Variants in PES1 observed in about 807,000 individuals in gnomAD.
PES1 encodes pescadillo ribosomal biogenesis factor 1.
Under a neutral mutation model 77.1 loss-of-function variants are expected in PES1, and 31 were observed. That is an observed-to-expected ratio of 0.40 (90% CI 0.30 to 0.54). PES1 has a LOEUF of 0.54. PES1 is among the 20% of genes least tolerant of loss of function. The pLI, the probability that PES1 is intolerant of heterozygous loss-of-function variation, is 0.45. For synonymous variants in PES1, 282 were observed against 303.0 expected (o/e 0.93, Z 0.72); for missense variants, 658 against 771.7 (o/e 0.85, Z 1.75).
chr22:30,579,571 G>A (rs947194837), intron 12 of PES1, 180 bp downstream of exon 12: 14 of 699,274 alleles, frequency 2.0e-5, no homozygotes, highest in African/African-American at 1.1e-4. Context: ...CATCCTGAAC[G>A]TCAAATAACA....
chr22:30,606,186 C>T (rs1275262692), intron 1 of PES1, among the ~76,000 whole-genome samples: 1 of 152,056 alleles, frequency 6.6e-6, no homozygotes, highest in African/African-American at 2.4e-5. Context: ...CTGGCAAGTA[C>T]CCCTGCTTCT....
upstream of PES1, among the ~76,000 whole-genome samples, chr22:30,592,589 G>C (rs1411975973): frequency 6.6e-6 from 1 of 152,180 alleles, no homozygotes; most frequent in Non-Finnish European, 1.5e-5. Context: ...CTGAGGTCAG[G>C]AGTTCGAGAC....
chr22:30,592,820 T>G (rs776549769), upstream of PES1, among the ~76,000 whole-genome samples: 1 of 152,088 alleles, frequency 6.6e-6, no homozygotes, highest in Non-Finnish European at 1.5e-5. Flanking sequence ...TAAATAAAAT[T>G]AAATGTACAT....
intron 4 of PES1, among the ~76,000 whole-genome samples, chr22:30,585,765 A>G (rs1236546748): frequency 2.0e-5 from 3 of 152,126 alleles, no homozygotes; most frequent in African/African-American, 7.2e-5. Context: ...CTGCTATTTC[A>G]AAAAAGACTC....
chr22:30,604,430 C>G (rs751481671), intron 2 of PES1, among the ~76,000 whole-genome samples: 3 of 151,938 alleles, frequency 2.0e-5, no homozygotes, highest in East Asian at 3.9e-4. Flanking sequence ...GTCAGGAGTC[C>G]GAGACCAACC....
In PES1 at chr22:30,591,802, C is replaced by T. The variant is rs763051459; in HGVS notation, c.24+8G>A. The T allele has an allele frequency of 1.4e-5, 22 of 1,563,046 alleles. No individual in the cohort carries two copies. The East Asian group carries it at 4.5e-4, about 32-fold the overall frequency. On this transcript the variant is annotated splice_region_variant and intron_variant, in intron 1 of 14. Coordinates refer to ENST00000354694, the MANE Select transcript of PES1 (RefSeq NM_014303.4). ...CCCTCGGGAATCCCCACCGTCTTTC[C>T]CAATCACCTTCTTCTTCTCAAGGCC...
intron 2 of PES1, among the ~76,000 whole-genome samples, chr22:30,588,707 T>C (rs1410090444): frequency 2.0e-5 from 3 of 150,962 alleles, no homozygotes; most frequent in Non-Finnish European, 4.4e-5. Context: ...CGCTTGAACC[T>C]GGGAGGTGGA....
chr22:30,588,646 G>A (rs552516853), intron 2 of PES1, among the ~76,000 whole-genome samples: 77 of 152,240 alleles, frequency 5.1e-4, no homozygotes, highest in Non-Finnish European at 9.0e-4. Context: ...AGCCAGGCAC[G>A]GTCGCCAGCA....
chr22:30,580,552 G>A lies in PES1; in HGVS notation c.1043+19C>T. On this transcript the variant is annotated intron_variant, in intron 10 of 14. Transcript: ENST00000354694. ...CATGGCCGAACCAATGCTGTCAGCG[G>A]GCCCTTGAGCCTCCCTACCTGATGA... 2 of 1,613,410 alleles carry A rather than the reference G, an allele frequency of 1.2e-6. No individual in the cohort carries two copies. The highest frequency in any genetic ancestry group is 1.7e-6 in the Non-Finnish European group (2 of 1,179,800).
intron 2 of PES1, among the ~76,000 whole-genome samples, chr22:30,597,874 G>A (rs1047496975): frequency 3.5e-4 from 49 of 140,712 alleles, no homozygotes; most frequent in African/African-American, 1.2e-3. Context: ...CCACGCAGTT[G>A]AAGTTTTGTT....
At chr22:30,604,880 A>C (rs2087413647) in intron 2 of PES1, among the ~76,000 whole-genome samples, 1 of 152,202 alleles carries the variant, frequency 6.6e-6, no homozygotes, top group Admixed American at 6.5e-5. Context: ...GAGTTCAAAA[A>C]TAAAAAAAAT....
In PES1 at chr22:30,584,440, G is replaced by T. The variant is rs1427564557; in HGVS notation, c.555C>A (p.Ile185=). 1 of 1,612,134 alleles carries T rather than the reference G, an allele frequency of 6.2e-7. No homozygotes were observed. Among genetic ancestry groups the T allele is most frequent in the Admixed American group, 1.7e-5 (1 of 59,758 alleles). ...CCTCGGCCTGGTAGTAAATGCCTTT[G>T]ATGGACAGGAAGACCTAGGGGAGAG... ...ARALRKVFLS[I]KGIYYQAEVL... is the part of the protein sequence containing the mutation. The change falls in exon 6 of 15, where the codon ATC becomes ATA. Residue 185 remains isoleucine (I), a synonymous_variant. Transcript: ENST00000354694.
chr22:30,603,690 T>C (rs1404289126), intron 2 of PES1: 2 of 152,204 alleles, frequency 1.3e-5, no homozygotes, highest in Non-Finnish European at 2.9e-5. Flanking sequence ...CCTTAAAATA[T>C]GATTTTAATA....
At chr22:30,591,553 A>G (rs2087176329) in intron 1 of PES1, among the ~76,000 whole-genome samples, 1 of 152,188 alleles carries the variant, frequency 6.6e-6, no homozygotes, top group South Asian at 2.1e-4. Flanking sequence ...TGCTTTTGGA[A>G]TGAAGCTACG....
intron 2 of PES1, among the ~76,000 whole-genome samples, chr22:30,600,477 G>A (rs958196871): frequency 6.6e-6 from 1 of 151,842 alleles, no homozygotes; most frequent in African/African-American, 2.4e-5. Flanking sequence ...GAACTCGGGA[G>A]TTCGAGACCA....
intron 2 of PES1, chr22:30,604,161 T>C (rs1406615760): frequency 6.6e-6 from 1 of 152,216 alleles, no homozygotes; most frequent in Non-Finnish European, 1.5e-5. Flanking sequence ...CTGAGACTGC[T>C]TGTCTGTGTC....
chr22:30,602,769 T>C (rs1357657006), intron 2 of PES1, among the ~76,000 whole-genome samples: 1 of 152,230 alleles, frequency 6.6e-6, no homozygotes, highest in African/African-American at 2.4e-5. Context: ...TTAGGTCTAT[T>C]TCAAGTTAAT....
intron 2 of PES1, chr22:30,605,397 T>G (rs2087423488): frequency 2.1e-6 from 2 of 954,774 alleles, no homozygotes; most frequent in Non-Finnish European, 2.5e-6. Flanking sequence ...CCTCCTTTAC[T>G]TCGACACCCT....
At chr22:30,593,509 A>C (rs2087213686), upstream of PES1, among the ~76,000 whole-genome samples, 1 of 151,080 alleles carries the variant, frequency 6.6e-6, no homozygotes, top group African/African-American at 2.4e-5. Context: ...AAAAAAGAAG[A>C]AGAAGGAAAG....
Sources: allele counts gnomAD v4.1 joint callset (sites outside exome capture counted in the v4.1 genomes callset), GRCh38; gene constraint gnomAD v4.1.1; transcripts MANE v1.5; gene names NCBI Gene and HGNC (gene_info 2026-07-23, HGNC 2026-07-21).